GAS2: variants seen among roughly 807,000 people sequenced by gnomAD.
GAS2 encodes the protein growth arrest specific 2, also known as growth arrest-specific protein 2.
Under a neutral mutation model 37.5 loss-of-function variants are expected in GAS2, and 20 were observed. The observed-to-expected ratio is 0.53, with a 90% CI of 0.37 to 0.77. The LOEUF is 0.77. Ranked by LOEUF, GAS2 falls within the 30% of genes least tolerant of loss-of-function variation. The pLI is 0.00. For synonymous variants in GAS2, 144 were observed against 132.2 expected (o/e 1.09, Z -0.61); for missense variants, 336 against 373.4 (o/e 0.90, Z 0.82).
intron 2 of GAS2, 59 bp downstream of exon 2, chr11:22,675,073 T>C: frequency 6.6e-7 from 1 of 1,525,836 alleles, no homozygotes; most frequent in East Asian, 2.3e-5. Flanking sequence ...TTATTTTTCC[T>C]CCTGTAGTGT....
At chr11:22,631,435 C>T (rs1858743687) in intron 1 of GAS2, among the ~76,000 whole-genome samples, 1 of 151,930 alleles carries the variant, frequency 6.6e-6, no homozygotes, top group Non-Finnish European at 1.5e-5. Context: ...GGGAATGCTT[C>T]AACATGAATG....
chr11:22,802,500 CT>C (rs936686241), intron 7 of GAS2, among the ~76,000 whole-genome samples: 2 of 150,174 alleles, frequency 1.3e-5, no homozygotes, highest in African/African-American at 2.4e-5. Flanking sequence ...TGGTCACGGT[CT>C]TTTTTTTCCC....
upstream of GAS2, among the ~76,000 whole-genome samples, chr11:22,666,377 A>G (rs1848985464): frequency 6.6e-6 from 1 of 152,254 alleles, no homozygotes; most frequent in Non-Finnish European, 1.5e-5. Flanking sequence ...AAACTTTTCC[A>G]ACACCCAATT....
chr11:22,716,154 A>C (rs12224489), intron 3 of GAS2, among the ~76,000 whole-genome samples: 21,260 of 152,214 alleles, frequency 0.14, 1,666 homozygotes, highest in East Asian at 0.2. Context: ...CTTTATGATT[A>C]AACCAGTCAG....
intron 7 of GAS2, among the ~76,000 whole-genome samples, chr11:22,772,842 A>G (rs191278148): frequency 6.6e-6 from 1 of 152,274 alleles, no homozygotes; most frequent in African/African-American, 2.4e-5. Context: ...TATCCTACTT[A>G]AAGTTTAAAT....
Position 22,755,950 on chromosome 11 carries a change from T to C in GAS2, c.720T>C (p.Ile240=). ...GAGTGGGAGAAAAGATCCTCTTCAT[T>C]AGGGTAAAGTTTTACTTTTCACTTA... ...RYRVGEKILF[I]RMLHNKHVMV... The change falls in exon 7 of 8, where the codon ATT becomes ATC. Residue 240 remains isoleucine, a synonymous_variant. Coordinates refer to ENST00000454584, the MANE Select transcript of GAS2 (RefSeq NM_001143830.3). The C allele has an allele frequency of 6.3e-7, 1 of 1,597,706 alleles. No individual in the cohort carries two copies. Among genetic ancestry groups the C allele is most frequent in the African/African-American group, 1.3e-5 (1 of 74,662 alleles).
intron 3 of GAS2, among the ~76,000 whole-genome samples, chr11:22,719,121 G>A (rs528629718): frequency 1.3e-5 from 2 of 152,206 alleles, no homozygotes; most frequent in Non-Finnish European, 1.5e-5. Context: ...GTTATGAAAT[G>A]ATTAAATCAA....
intron 1 of GAS2, among the ~76,000 whole-genome samples, chr11:22,647,006 T>C (rs1399605830): frequency 6.6e-6 from 1 of 151,864 alleles, no homozygotes; most frequent in Non-Finnish European, 1.5e-5. Flanking sequence ...TGTGCCATGC[T>C]GGTGCACTGC....
intron 2 of GAS2, 58 bp from the exon 3 acceptor site, chr11:22,685,610 T>C: frequency 6.4e-7 from 1 of 1,558,320 alleles, no homozygotes. Context: ...AAATATTTTA[T>C]TTAGTGTGAA....
intron 7 of GAS2, among the ~76,000 whole-genome samples, chr11:22,763,707 A>G (rs1229297496): frequency 6.6e-6 from 1 of 152,008 alleles, no homozygotes. Flanking sequence ...CCATTTTAAA[A>G]TTATATTAAT....
chr11:22,658,257 G>T (rs1848877409), intron 1 of GAS2, among the ~76,000 whole-genome samples: 1 of 152,022 alleles, frequency 6.6e-6, no homozygotes, highest in African/African-American at 2.4e-5. Context: ...TCGAATTCCT[G>T]ACCTCAGATG....
chr11:22,806,099 T>A (rs1173388278), intron 7 of GAS2, among the ~76,000 whole-genome samples: 1 of 152,148 alleles, frequency 6.6e-6, no homozygotes, highest in Non-Finnish European at 1.5e-5. Context: ...CTTAACCATC[T>A]GGGAATGCAG....
chr11:22,775,933 T>C (rs142104951), intron 7 of GAS2, among the ~76,000 whole-genome samples: 1 of 152,208 alleles, frequency 6.6e-6, no homozygotes, highest in Non-Finnish European at 1.5e-5. Flanking sequence ...ATATTAAAAC[T>C]GTTCCTTGGG....
chr11:22,663,417 T>A (rs1021809240), upstream of GAS2, among the ~76,000 whole-genome samples: 16 of 150,292 alleles, frequency 1.1e-4, no homozygotes, highest in South Asian at 2.1e-4. Flanking sequence ...AAAAAAAAAA[T>A]AAAAAAATAA....
chr11:22,749,412 C>T (rs1285342687), intron 6 of GAS2, 151 bp downstream of exon 6: 1 of 658,674 alleles, frequency 1.5e-6, no homozygotes, highest in Non-Finnish European at 2.4e-6. Context: ...TGTAGTCCTA[C>T]AATTCATTTT....
chr11:22,652,645 G>C lies in GAS2; in HGVS notation c.-20-22205G>C, dbSNP rs79798237. 1.3e-5 allele frequency among the ~76,000 whole-genome samples: 2 copies of C among 152,184 alleles called. 1 individual carries two copies. The highest frequency in any genetic ancestry group is 4.8e-5 in the African/African-American group (2 of 41,450). On this transcript the variant is annotated intron_variant, in intron 1 of 5. Transcript: ENST00000528582. Reference sequence around the variant, plus strand: ...CCGGTGTGCTGTGTTTTAAGCCCGTGGGAAAAGCGCAGTATTCGGGTGGGA... The same window carrying C: ...CCGGTGTGCTGTGTTTTAAGCCCGTCGGAAAAGCGCAGTATTCGGGTGGGA...
At position 22,755,131 on chromosome 11, in the gene GAS2, C is replaced by T. The variant is rs865933911; in HGVS notation, c.616-715C>T. Among the ~76,000 whole-genome samples the T allele has an allele frequency of 6.6e-5, 10 of 152,126 alleles. 1 individual carries two copies. Among genetic ancestry groups the T allele is most frequent in the Middle Eastern group, 3.4e-3 (1 of 294 alleles). Reference sequence around the variant, plus strand: ...CTATTCATAAGCTTTATGCACATATCATTTAGATTATGTATTTTTAGAAGA... The same window carrying T: ...CTATTCATAAGCTTTATGCACATATTATTTAGATTATGTATTTTTAGAAGA... On this transcript the variant is annotated intron_variant, in intron 6 of 7. Transcript: ENST00000454584.
intron 4 of GAS2, among the ~76,000 whole-genome samples, chr11:22,732,514 T>C (rs1435121060): frequency 1.3e-5 from 2 of 151,726 alleles, no homozygotes; most frequent in African/African-American, 4.8e-5. Context: ...TTGTTTGCTT[T>C]TTCCTTCTTC....
intron 1 of GAS2, among the ~76,000 whole-genome samples, chr11:22,632,072 T>C (rs148977804): frequency 1.3e-5 from 2 of 151,658 alleles, no homozygotes; most frequent in Non-Finnish European, 2.9e-5. Context: ...TTTCAAGAAA[T>C]GTATTCATTT....
Sources: gnomAD v4.1 joint callset for allele counts (sites outside exome capture counted in the v4.1 genomes callset) on GRCh38, gnomAD v4.1.1 for gene constraint, MANE v1.5 for transcripts, NCBI Gene and HGNC (gene_info 2026-07-23, HGNC 2026-07-21) for gene names.